The following KCNIP4 variants were observed in gnomAD, a reference collection of about 807,000 sequenced individuals.
KCNIP4 encodes the protein Kv channel-interacting protein 4.
Under a neutral mutation model 34.0 loss-of-function variants are expected in KCNIP4, and 12 were observed. That is an observed-to-expected ratio of 0.35 (90% confidence interval 0.23 to 0.57). The LOEUF is 0.57. Ranked by LOEUF, KCNIP4 falls within the 20% of genes least tolerant of loss-of-function variation. The pLI, the probability that KCNIP4 is intolerant of heterozygous loss-of-function variation, is 0.83. For missense variants in KCNIP4, 238 were observed against 311.7 expected (o/e 0.76, Z 1.78); for synonymous variants, 124 against 102.2 (o/e 1.21, Z -1.29).
intron 2 of KCNIP4, among the ~76,000 whole-genome samples, chr4:20,858,211 C>CAAAAAAA (rs778798968): frequency 2.7e-4 from 19 of 70,732 alleles, no homozygotes; most frequent in Non-Finnish European, 4.1e-4. Context: ...AACTCCATCT[C>CAAAAAAA]AAAAAAAAAA....
At chr4:21,763,396 G>A (rs527864039) in intron 1 of KCNIP4, among the ~76,000 whole-genome samples, 1 of 152,082 alleles carries the variant, frequency 6.6e-6, no homozygotes, top group Non-Finnish European at 1.5e-5. Context: ...CCATAATGAA[G>A]GTTTAATCAT....
chr4:20,864,514 G>A (rs1482381167), intron 2 of KCNIP4, among the ~76,000 whole-genome samples: 1 of 151,894 alleles, frequency 6.6e-6, no homozygotes, highest in African/African-American at 2.4e-5. Context: ...CTTGCTCATG[G>A]TCACACCATA....
At chr4:20,945,668 C>A (rs867608737) in intron 1 of KCNIP4, among the ~76,000 whole-genome samples, 4 of 152,032 alleles carry the variant, frequency 2.6e-5, no homozygotes, top group Non-Finnish European at 1.5e-5. Flanking sequence ...TAGAATGTAA[C>A]CTAATTCTCA....
At chr4:20,993,751 A>G (rs1398151032) in intron 1 of KCNIP4, among the ~76,000 whole-genome samples, 1 of 152,210 alleles carries the variant, frequency 6.6e-6, no homozygotes, top group Non-Finnish European at 1.5e-5. Flanking sequence ...ATAGTAAATT[A>G]CCACAAGCCT....
rs112991875 is a variant in KCNIP4 at position 21,798,404 on chromosome 4, C to CATATATATATATATATATAT, written c.61+150147_61+150166dup. ...CCGTTTCCACACACACAAAAAAATA[C>CATATATATATATATATATAT]ATATATATATATATATATATATTTG... On this transcript the variant is annotated intron_variant, in intron 1 of 8. Transcript: ENST00000382152. 6.7e-3 allele frequency among the ~76,000 whole-genome samples: 874 copies of CATATATATATATATATATAT among 129,560 alleles called. 10 individuals carry two copies. The highest frequency in any genetic ancestry group is 0.011 in the Non-Finnish European group (673 of 60,118). 85.0% of individuals were successfully genotyped at this position (129,560 alleles called of 152,430 possible).
Position 21,074,040 on chromosome 4 carries a change from A to G in KCNIP4, c.62-191331T>C, listed in dbSNP as rs149331261. 6.8e-4 allele frequency among the ~76,000 whole-genome samples: 103 copies of G among 152,296 alleles called. No homozygotes were observed. The East Asian group carries it at 0.017, about 25-fold the overall frequency. ...GATGTGCTGCTGGATTCAGTATGCA[A>G]GTATTTTATTGAGGATTTTTGCATC... is the stretch of plus-strand genomic sequence containing the variant. On this transcript the variant is annotated intron_variant, in intron 1 of 8. Coordinates refer to ENST00000382152, the MANE Select transcript of KCNIP4 (RefSeq NM_025221.6).
intron 1 of KCNIP4, among the ~76,000 whole-genome samples, chr4:21,421,308 G>C (rs1725432727): frequency 6.6e-6 from 1 of 152,144 alleles, no homozygotes; most frequent in Non-Finnish European, 1.5e-5. Context: ...ATGTTGAAGA[G>C]ATATCTGCAC....
chr4:20,968,278 C>T (rs1295987129), intron 1 of KCNIP4, among the ~76,000 whole-genome samples: 6 of 152,148 alleles, frequency 3.9e-5, no homozygotes, highest in Non-Finnish European at 7.3e-5. Flanking sequence ...CAGGAAACAA[C>T]AGATGCTGGA....
chr4:21,593,980 C>T lies in KCNIP4; in HGVS notation c.61+354591G>A, dbSNP rs114041014. 2.8e-3 allele frequency among the ~76,000 whole-genome samples: 432 copies of T among 152,034 alleles called. 3 individuals carry two copies. The highest frequency in any genetic ancestry group is 9.9e-3 in the African/African-American group (411 of 41,486). On this transcript the variant is annotated intron_variant, in intron 1 of 8. Transcript: ENST00000382152. Reference sequence around the variant, plus strand: ...AAATTACTTCTGAACACCTACCAGCCAACATAATTTGCTTACTTAGTATAC... The same window carrying T: ...AAATTACTTCTGAACACCTACCAGCTAACATAATTTGCTTACTTAGTATAC...
In KCNIP4 at chr4:21,414,684, G is replaced by A. The variant is rs531182444; in HGVS notation, c.62-531975C>T. 2.0e-5 allele frequency among the ~76,000 whole-genome samples: 3 copies of A among 152,282 alleles called. No homozygotes were observed. The South Asian group carries it at 6.2e-4, about 32-fold the overall frequency. On this transcript the variant is annotated intron_variant, in intron 1 of 8. Transcript: ENST00000382152. ...TAGCCAAGAGGTGAAAACAATCTAAGTGTCCATCAATAGATGAATAGGTAA... is the reference window on the plus strand; with the variant it reads ...TAGCCAAGAGGTGAAAACAATCTAAATGTCCATCAATAGATGAATAGGTAA...
intron 1 of KCNIP4, among the ~76,000 whole-genome samples, chr4:21,218,705 C>A (rs1170375684): frequency 2.0e-5 from 3 of 152,120 alleles, no homozygotes; most frequent in Non-Finnish European, 1.5e-5. Context: ...CATCTCAAGG[C>A]CCATAGATTC....
chr4:21,141,446 T>G (rs930594802), intron 1 of KCNIP4, among the ~76,000 whole-genome samples: 4 of 152,204 alleles, frequency 2.6e-5, no homozygotes, highest in Non-Finnish European at 4.4e-5. Context: ...CTTTTGAATG[T>G]TAGTATTTAC....
chr4:21,290,135 G>A (rs186027618), intron 1 of KCNIP4, among the ~76,000 whole-genome samples: 1 of 152,046 alleles, frequency 6.6e-6, no homozygotes, highest in East Asian at 1.9e-4. Flanking sequence ...AATGATTCCA[G>A]AAACTGTTTG....
At chr4:20,952,788 AT>A (rs11367523) in intron 1 of KCNIP4, among the ~76,000 whole-genome samples, 121,436 of 152,136 alleles carry the variant, frequency 0.8, 48,631 homozygotes, top group East Asian at 0.84. Flanking sequence ...ATAATAAAAT[AT>A]TTTTTTGAAT....
At chr4:21,014,559 C>G (rs1739339176) in intron 1 of KCNIP4, among the ~76,000 whole-genome samples, 1 of 152,160 alleles carries the variant, frequency 6.6e-6, no homozygotes, top group Non-Finnish European at 1.5e-5. Flanking sequence ...AATCAAATCA[C>G]ATTGAGATAT....
intron 3 of KCNIP4, among the ~76,000 whole-genome samples, chr4:20,826,174 A>T (rs1717735140): frequency 6.6e-6 from 1 of 152,158 alleles, no homozygotes; most frequent in Admixed American, 6.5e-5. Context: ...TGTAGAGCAT[A>T]CTTTGGGAAA....
intron 1 of KCNIP4, among the ~76,000 whole-genome samples, chr4:21,753,772 A>G (rs1387214403): frequency 6.6e-6 from 1 of 152,188 alleles, no homozygotes; most frequent in South Asian, 2.1e-4. Context: ...TTGAAGCATC[A>G]TGCCTTTTGT....
chr4:21,316,249 A>C (rs1345608022), intron 1 of KCNIP4: 4 of 152,194 alleles, frequency 2.6e-5, no homozygotes, highest in Non-Finnish European at 4.4e-5. Context: ...CTGGGGAGGA[A>C]GGGCCATATC....
chr4:21,488,711 G>A (rs358562), intron 1 of KCNIP4, among the ~76,000 whole-genome samples: 2,895 of 146,594 alleles, frequency 0.02, 92 homozygotes, highest in African/African-American at 0.075. Flanking sequence ...ATCAGTGTTG[G>A]CAGGTGGGTA....
Sources: gnomAD v4.1 joint callset for allele counts (sites outside exome capture counted in the v4.1 genomes callset) on GRCh38, gnomAD v4.1.1 for gene constraint, MANE v1.5 for transcripts, NCBI Gene and HGNC (gene_info 2026-07-23, HGNC 2026-07-21) for gene names.